The following SLC25A21 variants were observed in gnomAD, a reference collection of about 807,000 sequenced individuals.
SLC25A21 encodes the protein solute carrier family 25 member 21, also known as mitochondrial 2-oxodicarboxylate carrier.
SLC25A21 carries 47 observed loss-of-function variants against 43.8 expected under a neutral mutation model. That is an observed-to-expected ratio of 1.07 (90% CI 0.85 to 1.37). The LOEUF is 1.37. SLC25A21 is among the 40% of genes most tolerant of loss of function. The pLI is 0.00. For missense variants in SLC25A21, 352 were observed against 350.2 expected, an observed-to-expected ratio of 1.00 and a Z score of -0.04; for synonymous variants, 131 against 121.3, an observed-to-expected ratio of 1.08 and a Z score of -0.52.
chr14:37,077,659 T>A (rs896141284), intron 1 of SLC25A21, among the ~76,000 whole-genome samples: 2 of 152,196 alleles, frequency 1.3e-5, no homozygotes, highest in Admixed American at 6.5e-5. Context: ...CAATCTTAGA[T>A]GGGTAGTTGT....
intron 1 of SLC25A21, among the ~76,000 whole-genome samples, chr14:37,097,595 ATAT>A (rs1046257243): frequency 4.6e-5 from 7 of 152,160 alleles, no homozygotes; most frequent in African/African-American, 1.7e-4. Context: ...GACAAAAATA[ATAT>A]CAGGCAGGGC....
chr14:36,915,086 C>T (rs1055259658), intron 1 of SLC25A21, among the ~76,000 whole-genome samples: 2 of 151,876 alleles, frequency 1.3e-5, no homozygotes, highest in African/African-American at 4.8e-5. Context: ...CCTTAAAATA[C>T]TATCAAATAT....
At chr14:37,131,532 T>A (rs2138906299) in intron 1 of SLC25A21, among the ~76,000 whole-genome samples, 1 of 152,318 alleles carries the variant, frequency 6.6e-6, no homozygotes, top group South Asian at 2.1e-4. Context: ...CTGCACACAG[T>A]GAGATTAAAA....
At chr14:36,943,353 G>A (rs770666211) in intron 1 of SLC25A21, among the ~76,000 whole-genome samples, 16 of 151,908 alleles carry the variant, frequency 1.1e-4, no homozygotes, top group Non-Finnish European at 2.1e-4. Flanking sequence ...CACCACACCC[G>A]GCTAATTTTT....
At chr14:36,977,520 C>G (rs941654173) in intron 1 of SLC25A21, among the ~76,000 whole-genome samples, 4 of 152,182 alleles carry the variant, frequency 2.6e-5, no homozygotes, top group African/African-American at 9.6e-5. Context: ...TCTGGAATCA[C>G]TGCCATGGCC....
chr14:36,916,309 A>C (rs988552564), intron 1 of SLC25A21, among the ~76,000 whole-genome samples: 8 of 152,208 alleles, frequency 5.3e-5, no homozygotes, highest in African/African-American at 9.7e-5. Flanking sequence ...GTCACTTCTC[A>C]TTTGGGCTGT....
chr14:37,105,869 T>C (rs945491098), intron 1 of SLC25A21, among the ~76,000 whole-genome samples: 1 of 152,170 alleles, frequency 6.6e-6, no homozygotes, highest in African/African-American at 2.4e-5. Context: ...ATTTTTGTCA[T>C]GTACATGCCA....
chr14:36,708,747 T>C (rs977977324), intron 7 of SLC25A21, among the ~76,000 whole-genome samples: 1 of 106,682 alleles, frequency 9.4e-6, no homozygotes, highest in African/African-American at 4.8e-5. Context: ...AACGTTAGTT[T>C]TTTTTTTTTT....
chr14:37,169,806 G>A (rs994682530), intron 1 of SLC25A21, among the ~76,000 whole-genome samples: 3 of 152,066 alleles, frequency 2.0e-5, no homozygotes, highest in Non-Finnish European at 4.4e-5. Context: ...TTTTGGCCAA[G>A]TAAAAGAAAA....
chr14:36,874,988 G>A lies in SLC25A21; in HGVS notation c.87C>T (p.Cys29=). ...AGGSAGLVEI[C]LMHPLDVVKT... ...TCACCACATCTAGGGGGTGCATCAGGCAAATTTCTACAAGACCTGAAAGAT... is the reference window on the plus strand; with the variant it reads ...TCACCACATCTAGGGGGTGCATCAGACAAATTTCTACAAGACCTGAAAGAT... The change falls in exon 2 of 10, where the codon TGC becomes TGT. Residue 29 remains cysteine (C), a synonymous_variant. Coordinates refer to ENST00000331299, the MANE Select transcript of SLC25A21 (RefSeq NM_030631.4). 16 of 1,607,892 alleles carry A rather than the reference G, an allele frequency of 1.0e-5. No individual in the cohort carries two copies. Among genetic ancestry groups the A allele is most frequent in the Non-Finnish European group, 1.3e-5 (15 of 1,177,724 alleles).
intron 1 of SLC25A21, among the ~76,000 whole-genome samples, chr14:36,990,223 C>T (rs950515250): frequency 3.3e-5 from 5 of 152,122 alleles, no homozygotes; most frequent in South Asian, 4.1e-4. Context: ...TCTAAGACAG[C>T]GGATGTGAAA....
intron 1 of SLC25A21, among the ~76,000 whole-genome samples, chr14:37,102,958 C>T (rs1256093038): frequency 6.6e-6 from 1 of 151,764 alleles, no homozygotes. Context: ...CCACTGCACT[C>T]CAGCCTAGGC....
chr14:36,782,696 G>A (rs921927060), intron 3 of SLC25A21, among the ~76,000 whole-genome samples: 4 of 150,626 alleles, frequency 2.7e-5, no homozygotes, highest in Admixed American at 1.3e-4. Context: ...GTAAACTATC[G>A]CAAGAACAAA....
intron 3 of SLC25A21, among the ~76,000 whole-genome samples, chr14:36,780,427 G>GATTTAAGAGA (rs1315350727): frequency 6.6e-6 from 1 of 151,786 alleles, no homozygotes; most frequent in Non-Finnish European, 1.5e-5. Context: ...AAGTTAATTT[G>GATTTAAGAGA]TTTAATTGAG....
intron 1 of SLC25A21, among the ~76,000 whole-genome samples, chr14:36,880,116 G>T (rs1467110247): frequency 6.6e-6 from 1 of 152,112 alleles, no homozygotes; most frequent in Non-Finnish European, 1.5e-5. Flanking sequence ...TTGCTGCTCA[G>T]CATCACAATG....
chr14:36,963,156 C>T (rs1270554638), intron 1 of SLC25A21, among the ~76,000 whole-genome samples: 2 of 151,948 alleles, frequency 1.3e-5, no homozygotes, highest in East Asian at 1.9e-4. Context: ...CAAAATAGGA[C>T]CCCCTTTCCA....
intron 1 of SLC25A21, among the ~76,000 whole-genome samples, chr14:37,041,702 C>T (rs1961476188): frequency 6.6e-6 from 1 of 152,142 alleles, no homozygotes; most frequent in Non-Finnish European, 1.5e-5. Flanking sequence ...CAGTCAAGTC[C>T]AGCCATGTGC....
intron 1 of SLC25A21, among the ~76,000 whole-genome samples, chr14:36,912,573 T>C (rs557167723): frequency 1.2e-4 from 18 of 152,360 alleles, no homozygotes; most frequent in African/African-American, 4.3e-4. Flanking sequence ...TGCCTATTCC[T>C]AGTCTCAATG....
chr14:36,887,975 A>T (rs1890970353), intron 1 of SLC25A21, among the ~76,000 whole-genome samples: 1 of 152,158 alleles, frequency 6.6e-6, no homozygotes, highest in Admixed American at 6.5e-5. Context: ...GCCAGGGTGT[A>T]TGCCACACTT....
Sources: gnomAD v4.1 joint callset for allele counts (sites outside exome capture counted in the v4.1 genomes callset) on GRCh38, gnomAD v4.1.1 for gene constraint, MANE v1.5 for transcripts, NCBI Gene and HGNC (gene_info 2026-07-23, HGNC 2026-07-21) for gene names.